ZFYVE28: variants seen among roughly 807,000 people sequenced by gnomAD.
ZFYVE28 encodes the protein zinc finger FYVE-type containing 28.
A neutral mutation model predicts 82.1 loss-of-function variants in ZFYVE28; 40 were observed. The observed-to-expected ratio is 0.49, with a 90% CI of 0.38 to 0.63. ZFYVE28 has a LOEUF of 0.63. ZFYVE28 is among the 30% of genes least tolerant of loss of function. The probability of loss-of-function intolerance (pLI) is 0.00; values close to 1 mark genes in which losing one functional copy is unlikely to be tolerated. For synonymous variants in ZFYVE28, 612 were observed against 546.1 expected, an observed-to-expected ratio of 1.12 and a Z score of -1.68; for missense variants, 1,321 against 1,242.1, an observed-to-expected ratio of 1.06 and a Z score of -0.96.
At chr4:2,412,327 C>T (rs1732608475) in intron 1 of ZFYVE28, among the ~76,000 whole-genome samples, 2 of 152,178 alleles carry the variant, frequency 1.3e-5, no homozygotes, top group East Asian at 3.8e-4. Flanking sequence ...GTGGAAGTCC[C>T]CGCCTGCTTA....
rs1375052517 is a variant in ZFYVE28, at chr4:2,332,915, C to T, written c.701+2790G>A. ...GCCTGGCTCTGTGGCTAGATGCCTGCCTCTGTGGGGGCTCACAGCTGGCCA... is the reference window on the plus strand; with the variant it reads ...GCCTGGCTCTGTGGCTAGATGCCTGTCTCTGTGGGGGCTCACAGCTGGCCA... On this transcript the variant is annotated intron_variant, in intron 6 of 12. Transcript: ENST00000290974. The surrounding 1 kb of genome is among the most constrained non-coding windows in gnomAD (Gnocchi z 4.7). 1.3e-5 allele frequency among the ~76,000 whole-genome samples: 2 copies of T among 152,126 alleles called. No individual in the cohort carries two copies. Among genetic ancestry groups the T allele is most frequent in the African/African-American group, 4.8e-5 (2 of 41,420 alleles).
At chr4:2,309,686 T>C (rs1341959495) in intron 7 of ZFYVE28, among the ~76,000 whole-genome samples, 3 of 152,160 alleles carry the variant, frequency 2.0e-5, no homozygotes, top group African/African-American at 2.4e-5. Context: ...TAAATGGAGA[T>C]AGTGAATAGT....
chr4:2,334,753 T>A (rs997027010), intron 6 of ZFYVE28, among the ~76,000 whole-genome samples: 1 of 4,668 alleles, frequency 2.1e-4, no homozygotes, highest in Non-Finnish European at 4.9e-4. Flanking sequence ...CCCTTCCCCC[T>A]CCCCTTCCCC....
chr4:2,271,286 C>G (rs1052383566), intron 12 of ZFYVE28, 25 bp downstream of exon 12: 1 of 1,606,860 alleles, frequency 6.2e-7, no homozygotes, highest in Non-Finnish European at 8.5e-7. Context: ...GCTGAGGGAC[C>G]CTCCGTGCAA....
intron 1 of ZFYVE28, among the ~76,000 whole-genome samples, chr4:2,387,027 G>A (rs573091515): frequency 8.4e-4 from 128 of 151,634 alleles, no homozygotes; most frequent in African/African-American, 3.0e-3. Flanking sequence ...CAGCCAGGGG[G>A]TTGGACGGCT....
At chr4:2,345,483 G>C (rs6817871) in intron 2 of ZFYVE28, among the ~76,000 whole-genome samples, 63,378 of 151,424 alleles carry the variant, frequency 0.42, 13,994 homozygotes, top group African/African-American at 0.54. Context: ...AAAAAAAGAA[G>C]AGTAAACTTG....
chr4:2,369,844 T>TTTTTTTTATTTA (rs1465604216), intron 1 of ZFYVE28, among the ~76,000 whole-genome samples: 3 of 132,568 alleles, frequency 2.3e-5, no homozygotes, highest in Admixed American at 7.7e-5. Flanking sequence ...TTTTTTTTTT[T>TTTTTTTTATTTA]CTTTTCTTTT....
At chr4:2,403,871 A>T (rs554433924) in intron 1 of ZFYVE28, among the ~76,000 whole-genome samples, 2 of 151,972 alleles carry the variant, frequency 1.3e-5, no homozygotes, top group Non-Finnish European at 2.9e-5. Context: ...CAGGAGGCTA[A>T]GGCAGGAGAA....
intron 1 of ZFYVE28, among the ~76,000 whole-genome samples, chr4:2,366,889 A>G (rs1726951598): frequency 6.6e-6 from 1 of 152,240 alleles, no homozygotes; most frequent in Non-Finnish European, 1.5e-5. Context: ...CCCAGGTGAT[A>G]ATGCTGGCCT....
chr4:2,333,571 C>A lies in ZFYVE28; in HGVS notation c.701+2134G>T, dbSNP rs115212066. Among the ~76,000 whole-genome samples, 913 of 152,190 alleles carry A rather than the reference C, an allele frequency of 6.0e-3. 9 individuals carry two copies. The highest frequency in any genetic ancestry group is 0.021 in the African/African-American group (860 of 41,518). On this transcript the variant is annotated intron_variant, in intron 6 of 12. Coordinates refer to ENST00000290974, the MANE Select transcript of ZFYVE28 (RefSeq NM_020972.3). ...GGTCACCTGGGGTCACCTGCACACT[C>A]CAGGCCCGACCTTTAAGAGGAAGTC...
intron 1 of ZFYVE28, among the ~76,000 whole-genome samples, chr4:2,381,277 G>A (rs1051986988): frequency 1.3e-5 from 2 of 152,220 alleles, no homozygotes; most frequent in African/African-American, 4.8e-5. Flanking sequence ...GGATGATTTA[G>A]GGTATCTGCG....
At chr4:2,380,367 T>C (rs1037520548) in intron 1 of ZFYVE28, among the ~76,000 whole-genome samples, 1 of 152,160 alleles carries the variant, frequency 6.6e-6, no homozygotes, top group African/African-American at 2.4e-5. Flanking sequence ...GGGAGAGCAA[T>C]AGAGGAACTT....
chr4:2,331,802 G>T (rs1720751783), intron 6 of ZFYVE28, among the ~76,000 whole-genome samples: 1 of 152,214 alleles, frequency 6.6e-6, no homozygotes, highest in South Asian at 2.1e-4. Flanking sequence ...ACAGGGGGAA[G>T]GGTGCCACCC....
In ZFYVE28 at chr4:2,416,975, C is replaced by T. The variant is rs1431161456; in HGVS notation, c.39+1310G>A. Among the ~76,000 whole-genome samples the T allele has an allele frequency of 6.6e-6, 1 of 152,242 alleles. No individual in the cohort carries two copies. Among genetic ancestry groups the T allele is most frequent in the African/African-American group, 2.4e-5 (1 of 41,468 alleles). On this transcript the variant is annotated intron_variant, in intron 1 of 12. Coordinates refer to ENST00000290974, the MANE Select transcript of ZFYVE28 (RefSeq NM_020972.3). The surrounding 1 kb of genome is among the most constrained non-coding windows in gnomAD (Gnocchi z 4.6). The stretch of plus-strand genomic sequence containing the variant: ...CCCTCAAACCTCCGTGCCGATCTTC[C>T]AAACCCACCTCCCGCCTTCCTGGAA...
chr4:2,393,769 C>T (rs568163404), intron 1 of ZFYVE28, among the ~76,000 whole-genome samples: 4 of 152,244 alleles, frequency 2.6e-5, no homozygotes, highest in Non-Finnish European at 5.9e-5. Flanking sequence ...GCCACACCTG[C>T]GGATTGGGGG....
intron 1 of ZFYVE28, among the ~76,000 whole-genome samples, chr4:2,384,551 C>G (rs1243126617): frequency 6.6e-6 from 1 of 152,050 alleles, no homozygotes; most frequent in Non-Finnish European, 1.5e-5. Flanking sequence ...AGGGACCAGG[C>G]AGCACCCAAG....
intron 2 of ZFYVE28, among the ~76,000 whole-genome samples, chr4:2,344,907 AAAAAAC>A (rs914058752): frequency 6.6e-6 from 1 of 150,508 alleles, no homozygotes; most frequent in Non-Finnish European, 1.5e-5. Context: ...TCTCAAAAAC[AAAAAAC>A]AAAAACAAAA....
At chr4:2,368,226 A>AAAACAAAAC (rs1308890045) in intron 1 of ZFYVE28, among the ~76,000 whole-genome samples, 5 of 150,190 alleles carry the variant, frequency 3.3e-5, no homozygotes, top group African/African-American at 1.2e-4. Flanking sequence ...AAAAAAAAAA[A>AAAACAAAAC]AAAACACTGT....
intron 1 of ZFYVE28, among the ~76,000 whole-genome samples, chr4:2,359,129 C>G (rs922620220): frequency 1.3e-5 from 2 of 151,972 alleles, no homozygotes; most frequent in South Asian, 4.2e-4. Flanking sequence ...CGCCCACCAC[C>G]AGGCCCGGCT....
Sources: gnomAD v4.1 joint callset for allele counts (sites outside exome capture counted in the v4.1 genomes callset) on GRCh38, gnomAD v4.1.1 for gene constraint, Gnocchi (gnomAD v3.1) non-coding constraint, MANE v1.5 for transcripts, NCBI Gene and HGNC (gene_info 2026-07-23, HGNC 2026-07-21) for gene names.